MDM2: variants seen among roughly 807,000 people sequenced by gnomAD.
MDM2 encodes MDM2 proto-oncogene.
A neutral mutation model predicts 64.3 loss-of-function variants in MDM2; 11 were observed. The observed-to-expected ratio is 0.17, with a 90% CI of 0.11 to 0.28. MDM2 has a LOEUF of 0.28. Ranked by LOEUF, MDM2 falls within the 10% of genes least tolerant of loss-of-function variation. The pLI is 1.00. For missense variants in MDM2, 388 were observed against 577.1 expected, an observed-to-expected ratio of 0.67 and a Z score of 3.36; for synonymous variants, 194 against 192.9, an observed-to-expected ratio of 1.01 and a Z score of -0.05.
At chr12:68,818,617 G>C (rs1881590439) in intron 4 of MDM2, among the ~76,000 whole-genome samples, 1 of 148,076 alleles carries the variant, frequency 6.8e-6, no homozygotes, top group Non-Finnish European at 1.5e-5. Flanking sequence ...ATTTTTTATT[G>C]ATGAGTCACT....
chr12:68,844,609 G>A lies in MDM2; in HGVS notation c.*4760G>A, dbSNP rs1884105263. 1 of 226,830 alleles carries A rather than the reference G, an allele frequency of 4.4e-6. No individual in the cohort carries two copies. Among genetic ancestry groups the A allele is most frequent in the Non-Finnish European group, 8.8e-6 (1 of 114,196 alleles). 14.1% of individuals were successfully genotyped at this position (226,830 alleles called of 1,614,324 possible). ...TCATCTTTGAAAGTTCCACCAAGCT[G>A]GGAACCTCTTGATTGTGAGGCACAA... On this transcript the variant is annotated 3_prime_UTR_variant, in exon 11 of 11. Transcript: ENST00000258149.
chr12:68,837,469 C>G (rs2136172852), intron 10 of MDM2, among the ~76,000 whole-genome samples: 1 of 152,098 alleles, frequency 6.6e-6, no homozygotes, highest in East Asian at 1.9e-4. Context: ...AAGTGATCCT[C>G]CCACCTCAGC....
chr12:68,849,399 TTTG>T (rs1555190555), downstream of MDM2: 16 of 129,190 alleles, frequency 1.2e-4, no homozygotes, highest in East Asian at 1.8e-3. Context: ...CGTTTTTTTT[TTTG>T]TTGTTGTTGT....
At chr12:68,836,153 T>C (rs1883291750) in intron 9 of MDM2, among the ~76,000 whole-genome samples, 169 bp downstream of exon 9, 1 of 152,208 alleles carries the variant, frequency 6.6e-6, no homozygotes, top group Non-Finnish European at 1.5e-5. Context: ...CATAGTTCTT[T>C]ATCATCTGAT....
At chr12:68,813,512 G>C (rs1192308069) in intron 2 of MDM2, 42 bp from the exon 3 acceptor site, 2 of 1,394,764 alleles carry the variant, frequency 1.4e-6, no homozygotes, top group Non-Finnish European at 2.0e-6. Flanking sequence ...ATAGTTCTGG[G>C]ATAATTTTGG....
At chr12:68,822,343 T>A (rs898555408) in intron 5 of MDM2, among the ~76,000 whole-genome samples, 1 of 150,126 alleles carries the variant, frequency 6.7e-6, no homozygotes, top group Non-Finnish European at 1.5e-5. Flanking sequence ...ATTAGGCTGA[T>A]GATTTGGCAT....
chr12:68,814,207 C>T (rs1214896040), intron 3 of MDM2, among the ~76,000 whole-genome samples: 1 of 152,162 alleles, frequency 6.6e-6, no homozygotes, highest in Non-Finnish European at 1.5e-5. Flanking sequence ...CACCTGCCAC[C>T]ACGCCTGGCT....
intron 7 of MDM2, among the ~76,000 whole-genome samples, chr12:68,826,646 CTT>C (rs1565740045): frequency 9.4e-6 from 1 of 105,904 alleles, no homozygotes; most frequent in African/African-American, 6.5e-5. Flanking sequence ...GAGACTCCCT[CTT>C]AAAAAAAAAA....
At chr12:68,820,844 C>G (rs1049696697) in intron 5 of MDM2, among the ~76,000 whole-genome samples, 6 of 152,138 alleles carry the variant, frequency 3.9e-5, no homozygotes, top group African/African-American at 1.2e-4. Context: ...GGTCACATCT[C>G]TCTTTAATAA....
At chr12:68,833,312 A>ATATCTATATTT (rs1555187833) in intron 8 of MDM2, among the ~76,000 whole-genome samples, 1 of 62,056 alleles carries the variant, frequency 1.6e-5, no homozygotes, top group Non-Finnish European at 3.3e-5. Flanking sequence ...TAAATATAAA[A>ATATCTATATTT]ATATAATTAT....
At chr12:68,826,646 CTTAAAAA>C (rs1157601549) in intron 7 of MDM2, among the ~76,000 whole-genome samples, 8,730 of 105,844 alleles carry the variant, frequency 0.082, 403 homozygotes, top group Non-Finnish European at 0.1. Context: ...GAGACTCCCT[CTTAAAAA>C]AAAAAAAAAA....
chr12:68,831,703 G>A (rs1882810853), intron 8 of MDM2, among the ~76,000 whole-genome samples: 1 of 152,164 alleles, frequency 6.6e-6, no homozygotes, highest in African/African-American at 2.4e-5. Flanking sequence ...AATAACTCGT[G>A]TGGAGTAGAG....
At position 68,839,604 on chromosome 12, in the gene MDM2, G is replaced by T. The variant is rs1404470503; in HGVS notation, c.1249G>T (p.Val417Leu). 1 of 1,613,744 alleles carries T rather than the reference G, an allele frequency of 6.2e-7. No homozygotes were observed. The highest frequency in any genetic ancestry group is 1.7e-5 in the Admixed American group (1 of 59,866). ...CATTATTTATAGCAGCCAAGAAGAT[G>T]TGAAAGAGTTTGAAAGGGAAGAAAC... ...SSIIYSSQED[V>L]KEFEREETQD... The change falls in exon 11 of 11, where the codon GTG (valine) becomes TTG (leucine). Residue 417 changes from valine (V) to leucine (L), a missense_variant. Coordinates refer to ENST00000258149, the MANE Select transcript of MDM2 (RefSeq NM_002392.6).
Position 68,842,167 on chromosome 12 carries a change from G to T in MDM2, c.*2318G>T. ...CCTGTCAAATATCTGCAAGAACTAT[G>T]GAATAAAACTACTGATGCAGTGAAG... On this transcript the variant is annotated 3_prime_UTR_variant, in exon 11 of 11. Coordinates refer to ENST00000258149, the MANE Select transcript of MDM2 (RefSeq NM_002392.6). The T allele has an allele frequency of 2.1e-6, 1 of 480,504 alleles. No individual in the cohort carries two copies. Among genetic ancestry groups the T allele is most frequent in the Non-Finnish European group, 4.1e-6 (1 of 244,530 alleles). 29.8% of individuals were successfully genotyped at this position (480,504 alleles called of 1,614,324 possible).
At chr12:68,820,208 ATG>A (rs2136128034) in intron 4 of MDM2, 115 bp from the exon 5 acceptor site, 1 of 672,014 alleles carries the variant, frequency 1.5e-6, no homozygotes, top group South Asian at 2.2e-5. Flanking sequence ...TTGGTTTTGA[ATG>A]TGTGCAGTAG....
rs185972502 is a variant in MDM2 at position 68,842,794 on chromosome 12, C to A, written c.*2945C>A. 1.0e-4 allele frequency: 20 copies of A among 193,994 alleles called. No homozygotes were observed. In the East Asian group the frequency reaches 1.6e-3, roughly 16 times the overall value. The allele number at this position is 193,994 out of a possible 1,614,324, so 12.0% of individuals were successfully genotyped here. A position where few individuals can be genotyped will look rare whatever the true frequency, so the allele number is the denominator to read the frequency against. The stretch of plus-strand genomic sequence containing the variant: ...TGTATGAAAATAGCTCAAATAATAT[C>A]TTTTATTTTGATTTTAATATTTCTT... On this transcript the variant is annotated 3_prime_UTR_variant, in exon 11 of 11. Transcript: ENST00000258149.
chr12:68,810,273 T>A (rs2136107510), intron 2 of MDM2, among the ~76,000 whole-genome samples: 1 of 151,312 alleles, frequency 6.6e-6, no homozygotes, highest in South Asian at 2.1e-4. Context: ...TTGCGCCATT[T>A]CACTCCAGCC....
chr12:68,832,054 GAACGAAATTCCATCTCA>G (rs1164682234), intron 8 of MDM2, among the ~76,000 whole-genome samples: 1 of 152,146 alleles, frequency 6.6e-6, no homozygotes, highest in Non-Finnish European at 1.5e-5. Flanking sequence ...TGGGCAACGA[GAACGAAATTCCATCTCA>G]AACAACAACA....
chr12:68,823,740 A>G (rs1289406750), intron 5 of MDM2, among the ~76,000 whole-genome samples: 1 of 152,232 alleles, frequency 6.6e-6, no homozygotes, highest in Admixed American at 6.5e-5. Flanking sequence ...TCTGTGAGCT[A>G]GAAATCAGTT....
Sources: allele counts gnomAD v4.1 joint callset (sites outside exome capture counted in the v4.1 genomes callset), GRCh38; gene constraint gnomAD v4.1.1; transcripts MANE v1.5; gene names NCBI Gene and HGNC (gene_info 2026-07-23, HGNC 2026-07-21).